The following TMC1 variants were observed in gnomAD, a reference collection of about 807,000 sequenced individuals.
TMC1 encodes the protein transmembrane channel like 1.
A neutral mutation model predicts 105.8 loss-of-function variants in TMC1; 84 were observed. The ratio of observed to expected loss-of-function variants is 0.79; its 90% confidence interval spans 0.67 to 0.95. TMC1 has a LOEUF of 0.95. TMC1 is among the 40% of genes least tolerant of loss of function. TMC1 has a pLI of 0.00. For synonymous variants in TMC1, 315 were observed against 311.5 expected, an observed-to-expected ratio of 1.01 and a Z score of -0.12; for missense variants, 817 against 914.1, an observed-to-expected ratio of 0.89 and a Z score of 1.37.
intron 8 of TMC1, among the ~76,000 whole-genome samples, chr9:72,735,534 T>A (rs1827283840): frequency 6.6e-6 from 1 of 152,256 alleles, no homozygotes; most frequent in South Asian, 2.1e-4. Flanking sequence ...GATCAATGTT[T>A]ATCTTCATAT....
At chr9:72,635,728 A>AT (rs1302125556) in intron 4 of TMC1, among the ~76,000 whole-genome samples, 1 of 152,202 alleles carries the variant, frequency 6.6e-6, no homozygotes, top group Non-Finnish European at 1.5e-5. Context: ...TAGGGAATAG[A>AT]TTAAGGTTGC....
chr9:72,730,387 G>A (rs1450738370), intron 8 of TMC1, among the ~76,000 whole-genome samples: 1 of 152,138 alleles, frequency 6.6e-6, no homozygotes, highest in East Asian at 1.9e-4. Flanking sequence ...TGCTACTGAG[G>A]CCTTCCAGTG....
At chr9:72,592,072 CA>C (rs1007064111) in intron 2 of TMC1, among the ~76,000 whole-genome samples, 4 of 151,948 alleles carry the variant, frequency 2.6e-5, no homozygotes, top group African/African-American at 9.7e-5. Flanking sequence ...ACTGATCGAG[CA>C]AAAAAACCAT....
At chr9:72,832,715 A>T (rs1205228761) in intron 23 of TMC1, among the ~76,000 whole-genome samples, 1 of 152,066 alleles carries the variant, frequency 6.6e-6, no homozygotes, top group Non-Finnish European at 1.5e-5. Context: ...TAGCATGCAT[A>T]AATGTAAAGT....
At chr9:72,536,401 C>T (rs1823586340) in intron 1 of TMC1, among the ~76,000 whole-genome samples, 1 of 152,232 alleles carries the variant, frequency 6.6e-6, no homozygotes, top group African/African-American at 2.4e-5. Context: ...GGTGCGATCT[C>T]GGCTCACTGC....
intron 12 of TMC1, among the ~76,000 whole-genome samples, chr9:72,769,713 G>T (rs1207983408): frequency 1.3e-5 from 2 of 152,220 alleles, no homozygotes; most frequent in Non-Finnish European, 2.9e-5. Flanking sequence ...TTTGGCAAGT[G>T]CTAAATGTTC....
chr9:72,710,726 T>C (rs936437601), intron 8 of TMC1, among the ~76,000 whole-genome samples: 62 of 152,372 alleles, frequency 4.1e-4, no homozygotes, highest in African/African-American at 1.5e-3. Context: ...CTCAACTTTA[T>C]GTGAGTCCTT....
At chr9:72,725,325 GTA>G (rs57562145) in intron 8 of TMC1, among the ~76,000 whole-genome samples, 3,782 of 77,486 alleles carry the variant, frequency 0.049, 93 homozygotes, top group Admixed American at 0.055. Flanking sequence ...ATGTGTGTAT[GTA>G]TATATATATA....
Position 72,738,571 on chromosome 9 carries a change from C to T in TMC1, c.363-1548C>T, listed in dbSNP as rs547127459. On this transcript the variant is annotated intron_variant, in intron 8 of 23. Coordinates refer to ENST00000297784, the MANE Select transcript of TMC1 (RefSeq NM_138691.3). ...TAGCTGGGACTACAGGTACACACCA[C>T]CACGCCTGGTCGATTTTTGTATTTT... 1.0e-3 allele frequency among the ~76,000 whole-genome samples: 156 copies of T among 152,204 alleles called. 1 individual carries two copies. The highest frequency in any genetic ancestry group is 3.5e-3 in the African/African-American group (144 of 41,536).
rs188642814 is a variant in TMC1 at position 72,712,146 on chromosome 9, G to A, written c.362+11503G>A. On this transcript the variant is annotated intron_variant, in intron 8 of 23. Transcript: ENST00000297784. ...GGCCTATATATCTGTTTTGGTACCA[G>A]TACCATGCTGTTTTTGCTACTGTAG... Among the ~76,000 whole-genome samples, 726 of 152,270 alleles carry A rather than the reference G, an allele frequency of 4.8e-3. 7 individuals are homozygous for A. The highest frequency in any genetic ancestry group is 0.017 in the African/African-American group (711 of 41,540).
At chr9:72,606,994 T>TAG (rs1406616090) in intron 2 of TMC1, among the ~76,000 whole-genome samples, 23 of 87,624 alleles carry the variant, frequency 2.6e-4, no homozygotes, top group Non-Finnish European at 5.6e-4. Context: ...TATATATATA[T>TAG]ATATATATAG....
chr9:72,619,654 A>G (rs1325452635), intron 3 of TMC1, among the ~76,000 whole-genome samples: 1 of 151,808 alleles, frequency 6.6e-6, no homozygotes, highest in African/African-American at 2.4e-5. Context: ...TTTAACTAGT[A>G]TTTACTAAAC....
At chr9:72,799,871 G>A (rs1828441194) in intron 17 of TMC1, among the ~76,000 whole-genome samples, 1 of 152,078 alleles carries the variant, frequency 6.6e-6, no homozygotes, top group African/African-American at 2.4e-5. Flanking sequence ...ATGTGAGCAG[G>A]CTTAATGAAA....
At chr9:72,703,523 T>C (rs940655841) in intron 8 of TMC1, among the ~76,000 whole-genome samples, 3 of 152,248 alleles carry the variant, frequency 2.0e-5, no homozygotes, top group Non-Finnish European at 4.4e-5. Context: ...CAGTAACAGC[T>C]AGGACTAAGC....
At chr9:72,655,900 C>T in intron 5 of TMC1, 1 of 787,314 alleles carries the variant, frequency 1.3e-6, no homozygotes, top group Admixed American at 1.7e-5. Flanking sequence ...ATCTGCTTAA[C>T]AATCTCAGAA....
chr9:72,522,277 A>G (rs1282640334), intron 1 of TMC1, among the ~76,000 whole-genome samples: 1 of 151,112 alleles, frequency 6.6e-6, no homozygotes, highest in Non-Finnish European at 1.5e-5. Context: ...AATTTTTTGT[A>G]TTTTTAGTAG....
chr9:72,606,861 G>A (rs541071462), intron 2 of TMC1, among the ~76,000 whole-genome samples: 1 of 151,942 alleles, frequency 6.6e-6, no homozygotes, highest in African/African-American at 2.4e-5. Context: ...CAATCTCTCT[G>A]TTCCCTAGTT....
chr9:72,658,394 T>A (rs1444846), intron 5 of TMC1, among the ~76,000 whole-genome samples: 78,926 of 151,220 alleles, frequency 0.52, 21,047 homozygotes, highest in African/African-American at 0.64. Context: ...TTTCAGTCTA[T>A]CTTACTCATC....
intron 2 of TMC1, among the ~76,000 whole-genome samples, chr9:72,594,703 ATTTTATATTC>A (rs1824690628): frequency 6.6e-6 from 1 of 151,972 alleles, no homozygotes; most frequent in Non-Finnish European, 1.5e-5. Flanking sequence ...TATCACATCT[ATTTTATATTC>A]TCTCATATTC....
Sources: allele counts gnomAD v4.1 joint callset (sites outside exome capture counted in the v4.1 genomes callset), GRCh38; gene constraint gnomAD v4.1.1; transcripts MANE v1.5; gene names NCBI Gene and HGNC (gene_info 2026-07-23, HGNC 2026-07-21).